Variants in STAT6 observed in about 807,000 individuals in gnomAD.
STAT6 encodes signal transducer and activator of transcription 6.
A neutral mutation model predicts 106.3 loss-of-function variants in STAT6; 45 were observed. The ratio of observed to expected loss-of-function variants is 0.42; its 90% confidence interval spans 0.33 to 0.54. The LOEUF (loss-of-function observed/expected upper bound fraction) is 0.54. Among genes scored for constraint, STAT6 ranks in the 20% least tolerant of loss-of-function variants. STAT6 has a pLI of 0.06. For missense variants in STAT6, 797 were observed against 1,062.2 expected (o/e 0.75, Z 3.47); for synonymous variants, 413 against 413.6 (o/e 1.00, Z 0.02).
intron 13 of STAT6, 85 bp downstream of exon 13, chr12:57,102,205 G>C (rs910819952): frequency 7.0e-7 from 1 of 1,430,216 alleles, no homozygotes; most frequent in African/African-American, 1.4e-5. Context: ...CCAGTGGAAG[G>C]TCCCTGCATG....
intron 18 of STAT6, 96 bp downstream of exon 18, chr12:57,098,696 C>T (rs529610542): frequency 6.4e-7 from 1 of 1,556,120 alleles, no homozygotes; most frequent in East Asian, 2.2e-5. Flanking sequence ...AGGAAGATTC[C>T]CTGTTCAGCC....
chr12:57,105,744 G>GA, intron 7 of STAT6, 145 bp from the exon 8 acceptor site: 1 of 1,324,278 alleles, frequency 7.6e-7, no homozygotes, highest in Non-Finnish European at 1.0e-6. Flanking sequence ...CACCTGGGCT[G>GA]AAGGGGGTTC....
At chr12:57,101,924 C>G in intron 13 of STAT6, among the ~76,000 whole-genome samples, 1 of 152,138 alleles carries the variant, frequency 6.6e-6, no homozygotes, top group Non-Finnish European at 1.5e-5. Context: ...CCCGGCATGT[C>G]AAAGACTGGG....
In STAT6 at chr12:57,106,842, A is replaced by G. The variant is rs1156802475; in HGVS notation, c.340-11T>C. ...TGGCAAGTGGCGGAACTACACAGGA[A>G]GGACAGATGCCAAGAAGTGAAACAC... On this transcript the variant is annotated splice_polypyrimidine_tract_variant and intron_variant, in intron 4 of 21. Coordinates refer to ENST00000300134, the MANE Select transcript of STAT6 (RefSeq NM_003153.5). 1 of 1,613,388 alleles carries G rather than the reference A, an allele frequency of 6.2e-7. No individual in the cohort carries two copies. The highest frequency in any genetic ancestry group is 1.7e-5 in the Admixed American group (1 of 60,026).
chr12:57,101,778 C>T lies in STAT6; in HGVS notation c.1512+512G>A, dbSNP rs190152829. Among the ~76,000 whole-genome samples, 3 of 151,380 alleles carry T rather than the reference C, an allele frequency of 2.0e-5. No homozygotes were observed. The East Asian group carries it at 5.9e-4, about 30-fold the overall frequency. On this transcript the variant is annotated intron_variant, in intron 13 of 21. Coordinates refer to ENST00000300134, the MANE Select transcript of STAT6 (RefSeq NM_003153.5). ...CTCCTGGGTTCAAGCAATTCTCCTG[C>T]GTCAGCCTCCCATGTAGCTGGGATT...
chr12:57,100,396 C>G (rs1201241777), intron 13 of STAT6, among the ~76,000 whole-genome samples: 1 of 152,100 alleles, frequency 6.6e-6, no homozygotes, highest in Non-Finnish European at 1.5e-5. Context: ...GTCTACATAG[C>G]TGGTAAGAGG....
chr12:57,103,120 T>C, intron 11 of STAT6, 199 bp from the exon 12 acceptor site: 1 of 478,110 alleles, frequency 2.1e-6, no homozygotes. Flanking sequence ...CTCAGCCTCC[T>C]GAATAGCTGG....
Position 57,105,084 on chromosome 12 carries a change from C to G in STAT6, c.1001+67G>C. On this transcript the variant is annotated intron_variant, in intron 9 of 21. Transcript: ENST00000300134. ...CCCCATCCCTTGCTCTTTTCAGTGC[C>G]AGCCCTCCAGGCTGCCTCCATCACC... The G allele has an allele frequency of 2.0e-6, 3 of 1,533,742 alleles. No individual in the cohort carries two copies. In the South Asian group the frequency reaches 3.7e-5, roughly 19 times the overall value.
At position 57,098,765 on chromosome 12, in the gene STAT6, C is replaced by A. The variant is rs187584500; in HGVS notation, c.2066+27G>T. 4.5e-5 allele frequency: 72 copies of A among 1,607,282 alleles called. No homozygotes were observed. In the Admixed American group the frequency reaches 1.2e-3, roughly 27 times the overall value. On this transcript the variant is annotated intron_variant, in intron 18 of 21. Coordinates refer to ENST00000300134, the MANE Select transcript of STAT6 (RefSeq NM_003153.5). Reference sequence around the variant, plus strand: ...GATTAGCCCATCTGCACAGACCACTCCCATTCCTGTCTTTCCAGCTCCTTA... The same window carrying A: ...GATTAGCCCATCTGCACAGACCACTACCATTCCTGTCTTTCCAGCTCCTTA...
intron 13 of STAT6, among the ~76,000 whole-genome samples, chr12:57,100,641 AAAGAAAGAAAG>A (rs2033773797): frequency 1.2e-5 from 1 of 80,580 alleles, no homozygotes; most frequent in African/African-American, 5.0e-5. Context: ...AGAGAAAGAG[AAAGAAAGAAAG>A]AAAGAAAGAA....
rs565856587 is a variant in STAT6, at chr12:57,105,405, C to G, written c.812+63G>C. 5.6e-6 allele frequency: 9 copies of G among 1,609,332 alleles called. 1 individual carries two copies. In the South Asian group the frequency reaches 8.8e-5, roughly 16 times the overall value. On this transcript the variant is annotated intron_variant, in intron 8 of 21. Transcript: ENST00000300134. The stretch of plus-strand genomic sequence containing the variant: ...CCCTGCTGGTGCCCTCCCCACAGCT[C>G]TAGCCCCCTTCTTTTCTTCCCGAGG...
rs3024965 is a variant in STAT6, at chr12:57,102,615, C to T, written c.1306-119G>A. ...CCTCCACAGCCCCTGATATCGCTCA[C>T]AAACATGCTGTTTTTTCTAGGTTAC... On this transcript the variant is annotated intron_variant, in intron 12 of 21. Coordinates refer to ENST00000300134, the MANE Select transcript of STAT6 (RefSeq NM_003153.5). 5.6e-3 allele frequency: 6,399 copies of T among 1,136,830 alleles called. 277 individuals carry two copies. In the African/African-American group the frequency reaches 0.089, roughly 16 times the overall value. 70.4% of individuals were successfully genotyped at this position (1,136,830 alleles called of 1,614,324 possible).
At chr12:57,097,713 C>T (rs149832079) in intron 19 of STAT6, among the ~76,000 whole-genome samples, 1 of 152,212 alleles carries the variant, frequency 6.6e-6, no homozygotes, top group Non-Finnish European at 1.5e-5. Context: ...CACTTAAGCC[C>T]AGGAGTTTGA....
chr12:57,100,358 G>A (rs752561332), intron 13 of STAT6, among the ~76,000 whole-genome samples: 14 of 152,146 alleles, frequency 9.2e-5, no homozygotes, highest in Admixed American at 4.6e-4. Flanking sequence ...AGAAATGGAA[G>A]TCCAAAAACG....
Position 57,102,347 on chromosome 12 carries a change from G to A in STAT6, c.1455C>T (p.Asn485=). 1 of 1,614,138 alleles carries A rather than the reference G, an allele frequency of 6.2e-7. No individual in the cohort carries two copies. Among genetic ancestry groups the A allele is most frequent in the African/African-American group, 1.3e-5 (1 of 75,022 alleles). ...LFLAQKIFND[N]SLSMEAFQHR... ...GCTGGAAGGCCTCCATACTGAGGCT[G>A]TTGTCATTGAAGATCTTCTGGGCCA... The change falls in exon 13 of 22, where the codon AAC becomes AAT. Residue 485 remains asparagine, a synonymous_variant. Coordinates refer to ENST00000300134, the MANE Select transcript of STAT6 (RefSeq NM_003153.5).
chr12:57,108,041 C>T (rs1402439116), intron 2 of STAT6, 122 bp downstream of exon 2: 3 of 707,156 alleles, frequency 4.2e-6, no homozygotes, highest in Non-Finnish European at 2.4e-6. Flanking sequence ...AAATCTAGGT[C>T]ACTACACATG....
chr12:57,097,026 A>G, intron 20 of STAT6, 42 bp downstream of exon 20: 1 of 1,598,150 alleles, frequency 6.3e-7, no homozygotes, highest in Non-Finnish European at 8.5e-7. Context: ...CAAGGCCAGG[A>G]AAGAAGAGGC....
At chr12:57,100,682 AAG>A (rs780314748) in intron 13 of STAT6, among the ~76,000 whole-genome samples, 1 of 66,768 alleles carries the variant, frequency 1.5e-5, no homozygotes, top group East Asian at 2.9e-4. Context: ...GAAAGAAAGA[AAG>A]AAAGAAAGAA....
intron 19 of STAT6, 105 bp downstream of exon 19, chr12:57,098,400 G>T: frequency 8.9e-7 from 1 of 1,119,192 alleles, no homozygotes; most frequent in Non-Finnish European, 1.4e-6. Context: ...AAGAAGACAG[G>T]CTGTTAGCAT....
Sources: allele counts gnomAD v4.1 joint callset (sites outside exome capture counted in the v4.1 genomes callset), GRCh38; gene constraint gnomAD v4.1.1; transcripts MANE v1.5; gene names NCBI Gene and HGNC (gene_info 2026-07-23, HGNC 2026-07-21).